Variants in DPYS observed in about 807,000 individuals in gnomAD.
DPYS encodes the protein dihydropyrimidinase.
DPYS carries 39 observed loss-of-function variants against 50.3 expected under a neutral mutation model. The ratio of observed to expected loss-of-function variants is 0.78; its 90% CI spans 0.60 to 1.01. The LOEUF (loss-of-function observed/expected upper bound fraction) is 1.01, where lower values mean the gene tolerates loss of function less well. DPYS is among the 50% of genes least tolerant of loss of function. DPYS has a pLI of 0.00. For missense variants in DPYS, 659 were observed against 680.9 expected, an observed-to-expected ratio of 0.97 and a Z score of 0.36; for synonymous variants, 245 against 250.7, an observed-to-expected ratio of 0.98 and a Z score of 0.22.
At chr8:104,395,675 G>A (rs1051425722) in intron 7 of DPYS, among the ~76,000 whole-genome samples, 4 of 152,112 alleles carry the variant, frequency 2.6e-5, no homozygotes, top group Admixed American at 6.5e-5. Context: ...TGGACATACC[G>A]CAGTGCTATA....
chr8:104,429,794 C>A, intron 4 of DPYS, 93 bp from the exon 5 acceptor site: 1 of 1,502,100 alleles, frequency 6.7e-7, no homozygotes, highest in African/African-American at 1.4e-5. Flanking sequence ...TCTCCCCTAG[C>A]AGAGGGTAAT....
intron 7 of DPYS, among the ~76,000 whole-genome samples, chr8:104,411,252 A>G (rs1588420240): frequency 6.6e-6 from 1 of 152,198 alleles, no homozygotes; most frequent in Admixed American, 6.5e-5. Flanking sequence ...TGCAATCAAT[A>G]TATGTTTTCA....
chr8:104,432,962 G>C (rs887812845), intron 4 of DPYS, among the ~76,000 whole-genome samples: 1 of 152,140 alleles, frequency 6.6e-6, no homozygotes, highest in Non-Finnish European at 1.5e-5. Flanking sequence ...TCTTTATGGA[G>C]GTAGTGAATT....
chr8:104,386,956 A>C (rs1050081909), intron 8 of DPYS, among the ~76,000 whole-genome samples: 2 of 152,176 alleles, frequency 1.3e-5, no homozygotes, highest in African/African-American at 4.8e-5. Flanking sequence ...AATTAGCAAG[A>C]TCAACAGAGA....
chr8:104,397,662 T>C (rs1445997800), intron 7 of DPYS, among the ~76,000 whole-genome samples: 1 of 152,240 alleles, frequency 6.6e-6, no homozygotes, highest in East Asian at 1.9e-4. Flanking sequence ...CTATAAATAC[T>C]TGGCAATTTT....
At chr8:104,380,446 T>C (rs1810994849) in intron 9 of DPYS, 1 of 152,386 alleles carries the variant, frequency 6.6e-6, no homozygotes. Flanking sequence ...TGGCAAAACA[T>C]GTAGATTTCA....
At chr8:104,407,089 C>T (rs1812021114) in intron 7 of DPYS, among the ~76,000 whole-genome samples, 1 of 152,228 alleles carries the variant, frequency 6.6e-6, no homozygotes, top group Non-Finnish European at 1.5e-5. Context: ...CCATTTACTG[C>T]ATGCTACTAA....
At position 104,428,032 on chromosome 8, in the gene DPYS, T is replaced by C. The variant is rs369563670; in HGVS notation, c.1040A>G (p.Asn347Ser). 1.2e-5 allele frequency: 20 copies of C among 1,614,086 alleles called. No individual in the cohort carries two copies. Among genetic ancestry groups the C allele is most frequent in the African/African-American group, 9.3e-5 (7 of 74,940 alleles). Reference protein sequence around the residue: ...LGKDDFTKIPNGVNGVEDRMS... With the variant: ...LGKDDFTKIPSGVNGVEDRMS... Reference sequence around the variant, plus strand: ...CCGATCTTCAACACCATTCACCCCATTGGGGATCTTGGTAAAATCATCCTT... The same window carrying C: ...CCGATCTTCAACACCATTCACCCCACTGGGGATCTTGGTAAAATCATCCTT... Residue 347 changes from asparagine (N) to serine (S), a missense_variant, in exon 6 of 10, where the codon AAT (asparagine) becomes AGT (serine). Asn to Ser is a conservative substitution (Grantham distance 46). Transcript: ENST00000351513.
chr8:104,461,235 G>A (rs996710891), intron 1 of DPYS, among the ~76,000 whole-genome samples: 8 of 151,092 alleles, frequency 5.3e-5, no homozygotes, highest in Admixed American at 1.3e-4. Flanking sequence ...TGAGGCTGCC[G>A]TGAGCTGGAT....
rs78632009 is a variant in DPYS at position 104,423,136 on chromosome 8, T to C, written c.1235+1111A>G. ...TCTTGTTGTTATCTTAAGATACTTATGTGAGTAAGATGTGTATACCACCCT... is the reference window on the plus strand; with the variant it reads ...TCTTGTTGTTATCTTAAGATACTTACGTGAGTAAGATGTGTATACCACCCT... On this transcript the variant is annotated intron_variant, in intron 7 of 9. Coordinates refer to ENST00000351513, the MANE Select transcript of DPYS (RefSeq NM_001385.3). Among the ~76,000 whole-genome samples the C allele has an allele frequency of 4.7e-4, 71 of 152,360 alleles. No individual in the cohort carries two copies. The East Asian group carries it at 0.013, about 28-fold the overall frequency.
At chr8:104,466,083 T>C (rs1814377829) in intron 1 of DPYS, among the ~76,000 whole-genome samples, 1 of 150,824 alleles carries the variant, frequency 6.6e-6, no homozygotes, top group Non-Finnish European at 1.5e-5. Flanking sequence ...GGGCAGAGGG[T>C]AGGGGACGGG....
intron 7 of DPYS, among the ~76,000 whole-genome samples, chr8:104,396,946 T>C (rs2031477767): frequency 6.6e-6 from 1 of 152,178 alleles, no homozygotes; most frequent in African/African-American, 2.4e-5. Flanking sequence ...AATGAAGTCA[T>C]ATTAACACAA....
At chr8:104,465,370 C>G (rs765022330) in intron 1 of DPYS, among the ~76,000 whole-genome samples, 4 of 152,144 alleles carry the variant, frequency 2.6e-5, no homozygotes, top group Non-Finnish European at 2.9e-5. Context: ...AATAGCCCAA[C>G]TTGTTTCACA....
At position 104,451,345 on chromosome 8, in the gene DPYS, G is replaced by T; in HGVS notation, c.324C>A (p.Gly108=). The T allele has an allele frequency of 6.2e-7, 1 of 1,614,182 alleles. No individual in the cohort carries two copies. The highest frequency in any genetic ancestry group is 8.5e-7 in the Non-Finnish European group (1 of 1,180,022). Reference sequence around the variant, plus strand: ...AGGTCTCGAAGGCCTCAATGAGGGAGCCACCTTTCTGAGGAATGGCGAAAT... The same window carrying T: ...AGGTCTCGAAGGCCTCAATGAGGGATCCACCTTTCTGAGGAATGGCGAAAT... ...IIDFAIPQKG[G]SLIEAFETWR... Residue 108 remains glycine (G), a synonymous_variant, in exon 2 of 10, where the codon GGC becomes GGA. Coordinates refer to ENST00000351513, the MANE Select transcript of DPYS (RefSeq NM_001385.3).
At chr8:104,434,973 A>C (rs554733509) in intron 4 of DPYS, among the ~76,000 whole-genome samples, 181 of 152,354 alleles carry the variant, frequency 1.2e-3, no homozygotes, top group Non-Finnish European at 2.0e-3. Context: ...ATACATAGCA[A>C]TTAGGGCATC....
At position 104,466,927 on chromosome 8, in the gene DPYS, GGGCGCGCGGGGTC is replaced by G. The variant is rs1588471289; in HGVS notation, c.-20_-8del. 1 of 1,470,746 alleles carries G rather than the reference GGGCGCGCGGGGTC, an allele frequency of 6.8e-7. No individual in the cohort carries two copies. The highest frequency in any genetic ancestry group is 2.7e-5 in the East Asian group (1 of 36,960). 91.1% of individuals were successfully genotyped at this position (1,470,746 alleles called of 1,614,324 possible). On this transcript the variant is annotated 5_prime_UTR_variant, in exon 1 of 10. Transcript: ENST00000351513. Reference sequence around the variant, plus strand: ...GCCGCGAGGGCGCCGCCATAGCGAGGGGCGCGCGGGGTCCTACTCGGCCCGGGCTGCGCGCAGG... The same window carrying G: ...GCCGCGAGGGCGCCGCCATAGCGAGGCTACTCGGCCCGGGCTGCGCGCAGG...
intron 6 of DPYS, among the ~76,000 whole-genome samples, chr8:104,424,708 C>CTTAAAACTTTCGA: frequency 6.6e-6 from 1 of 152,206 alleles, no homozygotes; most frequent in East Asian, 1.9e-4. Context: ...TTCGATTCTC[C>CTTAAAACTTTCGA]TTTAAAGTTT....
intron 4 of DPYS, among the ~76,000 whole-genome samples, chr8:104,432,974 A>G (rs1813004871): frequency 6.6e-6 from 1 of 152,240 alleles, no homozygotes; most frequent in Non-Finnish European, 1.5e-5. Flanking sequence ...TAGTGAATTT[A>G]AAGTGAGGTC....
Position 104,451,246 on chromosome 8 carries a change from C to T in DPYS, c.423G>A (p.Gln141=), listed in dbSNP as rs1352732561. Residue 141 remains glutamine, a splice_region_variant and synonymous_variant, in exon 2 of 10, where the codon CAG becomes CAA. Transcript: ENST00000351513. The stretch of plus-strand genomic sequence containing the variant: ...ACACATTGAAATCCAGGTGCTTTAC[C>T]TGGTCACTCCACCACGTCACTGCCA... ...LHVAVTWWSD[Q]VKEEMKILVQ... 1 of 1,613,804 alleles carries T rather than the reference C, an allele frequency of 6.2e-7. No homozygotes were observed. Among genetic ancestry groups the T allele is most frequent in the East Asian group, 2.2e-5 (1 of 44,874 alleles).
Sources: allele counts gnomAD v4.1 joint callset (sites outside exome capture counted in the v4.1 genomes callset), GRCh38; gene constraint gnomAD v4.1.1; transcripts MANE v1.5; gene names NCBI Gene and HGNC (gene_info 2026-07-23, HGNC 2026-07-21).